MAP3K9: variants seen among roughly 807,000 people sequenced by gnomAD.
MAP3K9 encodes the protein mixed lineage kinase 1 (tyr and ser/thr specificity).
Under a neutral mutation model 95.8 loss-of-function variants are expected in MAP3K9, and 46 were observed. That is an observed-to-expected ratio of 0.48 (90% confidence interval 0.38 to 0.61). The LOEUF (loss-of-function observed/expected upper bound fraction) is 0.61. Ranked by LOEUF, MAP3K9 falls within the 20% of genes least tolerant of loss-of-function variation. The pLI, the probability that MAP3K9 is intolerant of heterozygous loss-of-function variation, is 0.00. For missense variants in MAP3K9, 1,296 were observed against 1,474.3 expected (o/e 0.88, Z 1.98); for synonymous variants, 533 against 593.8 (o/e 0.90, Z 1.49).
chr14:70,809,178 G>C lies in MAP3K9; in HGVS notation c.-7C>G. On this transcript the variant is annotated 5_prime_UTR_variant, in exon 1 of 12. Transcript: ENST00000554752. ...GCGCTCTGGAGGGCTCCATGGAGCG[G>C]CCGATCCATAGGGTGCGGGGCCGCC... 1 of 1,338,628 alleles carries C rather than the reference G, an allele frequency of 7.5e-7. No individual in the cohort carries two copies. Among genetic ancestry groups the C allele is most frequent in the Non-Finnish European group, 9.5e-7 (1 of 1,052,368 alleles). 82.9% of individuals were successfully genotyped at this position (1,338,628 alleles called of 1,614,324 possible).
chr14:70,777,812 T>C (rs2054619327), intron 2 of MAP3K9, among the ~76,000 whole-genome samples: 1 of 152,196 alleles, frequency 6.6e-6, no homozygotes. Context: ...GGCTAAAGCC[T>C]CTAAGACATA....
rs149576659 is a variant in MAP3K9 at position 70,751,185 on chromosome 14, G to A, written c.1002-1104C>T. On this transcript the variant is annotated intron_variant, in intron 3 of 11. Coordinates refer to ENST00000554752, the MANE Select transcript of MAP3K9 (RefSeq NM_001284230.2). ...GTCCACATAAAGAATTTCTTTTCTC[G>A]TGTCCTGTGAGTCAGTGAATGTGGA... Among the ~76,000 whole-genome samples the A allele has an allele frequency of 2.8e-3, 426 of 152,252 alleles. 1 individual carries two copies. The highest frequency in any genetic ancestry group is 9.7e-3 in the African/African-American group (404 of 41,542).
rs754111307 is a variant in MAP3K9, at chr14:70,732,953, G to A, written c.2416C>T (p.Arg806Trp). 77 of 1,613,996 alleles carry A rather than the reference G, an allele frequency of 4.8e-5. No homozygotes were observed. Among genetic ancestry groups the A allele is most frequent in the Admixed American group, 1.7e-4 (10 of 59,996 alleles). The change falls in exon 11 of 12, where the codon CGG (arginine) becomes TGG (tryptophan). Residue 806 changes from arginine to tryptophan, a missense_variant. Coordinates refer to ENST00000554752, the MANE Select transcript of MAP3K9 (RefSeq NM_001284230.2). Reference sequence around the variant, plus strand: ...TTTCGGGATGGGGGGCTGGTGCTCCGACGAGGACGGCTGGACCTCTGAAAA... The same window carrying A: ...TTTCGGGATGGGGGGCTGGTGCTCCAACGAGGACGGCTGGACCTCTGAAAA... ...GLFQRSSRPRRSTSPPSRKLF... is the reference protein window; with the variant it reads ...GLFQRSSRPRWSTSPPSRKLF...
At chr14:70,755,504 T>A (rs764167367) in intron 3 of MAP3K9, among the ~76,000 whole-genome samples, 1 of 152,224 alleles carries the variant, frequency 6.6e-6, no homozygotes, top group African/African-American at 2.4e-5. Context: ...GAAATGATGA[T>A]CCCTACTTTG....
At chr14:70,781,800 A>T (rs1377999103) in intron 2 of MAP3K9, among the ~76,000 whole-genome samples, 1 of 152,130 alleles carries the variant, frequency 6.6e-6, no homozygotes. Context: ...TTCAGAGCCC[A>T]CAACTGTACC....
At chr14:70,787,507 CAAAAA>C (rs66469021) in intron 2 of MAP3K9, among the ~76,000 whole-genome samples, 1 of 126,176 alleles carries the variant, frequency 7.9e-6, no homozygotes. Flanking sequence ...GACTCTGTCT[CAAAAA>C]AAAAAAAAAA....
chr14:70,804,848 C>A (rs187718714), intron 1 of MAP3K9, among the ~76,000 whole-genome samples: 23 of 152,206 alleles, frequency 1.5e-4, no homozygotes, highest in African/African-American at 5.1e-4. Context: ...AATATTATGA[C>A]CTGACTCCAA....
chr14:70,740,012 G>A, intron 7 of MAP3K9, 30 bp downstream of exon 7: 1 of 1,614,164 alleles, frequency 6.2e-7, no homozygotes. Context: ...TGTGTGTTCT[G>A]GCCCCAGCTA....
At chr14:70,737,510 G>A (rs933334498) in intron 8 of MAP3K9, among the ~76,000 whole-genome samples, 3 of 152,158 alleles carry the variant, frequency 2.0e-5, no homozygotes, top group South Asian at 2.1e-4. Flanking sequence ...TCAAGCCCAC[G>A]AGTGAGAACA....
chr14:70,800,564 T>C (rs1299678354), intron 2 of MAP3K9, 103 bp downstream of exon 2: 1 of 1,197,838 alleles, frequency 8.3e-7, no homozygotes, highest in Non-Finnish European at 1.2e-6. Context: ...AGCAAGGAGT[T>C]TCACTGCCCT....
chr14:70,802,356 C>G (rs2054939612), intron 1 of MAP3K9, among the ~76,000 whole-genome samples: 1 of 152,198 alleles, frequency 6.6e-6, no homozygotes, highest in East Asian at 1.9e-4. Context: ...GTATCCCACC[C>G]AGTATCCCAA....
chr14:70,736,930 G>A (rs1271793883), intron 8 of MAP3K9, among the ~76,000 whole-genome samples: 7 of 152,036 alleles, frequency 4.6e-5, no homozygotes, highest in African/African-American at 1.2e-4. Context: ...TTTTACCTTC[G>A]GCTCAGATCT....
chr14:70,738,519 A>T (rs1361753256), intron 7 of MAP3K9, 121 bp from the exon 8 acceptor site: 2 of 837,922 alleles, frequency 2.4e-6, no homozygotes, highest in Admixed American at 5.3e-5. Context: ...AGACCTTATC[A>T]AAAACTCTGT....
At chr14:70,742,704 T>C in intron 5 of MAP3K9, 113 bp from the exon 6 acceptor site, 1 of 1,236,568 alleles carries the variant, frequency 8.1e-7, no homozygotes, top group African/African-American at 1.5e-5. Flanking sequence ...AGAGCTCTCC[T>C]ATGATGCTCA....
In MAP3K9 at chr14:70,786,379, C is replaced by T. The variant is rs532547576; in HGVS notation, c.820+14288G>A. On this transcript the variant is annotated intron_variant, in intron 2 of 11. Transcript: ENST00000554752. The stretch of plus-strand genomic sequence containing the variant: ...CAGCGGGGATTCCTATCTCTAAGCA[C>T]AGGGAGCCAGGAGTCTACTGCTTAA... Among the ~76,000 whole-genome samples the T allele has an allele frequency of 1.4e-4, 21 of 152,290 alleles. 1 individual carries two copies. The South Asian group carries it at 4.4e-3, about 32-fold the overall frequency.
At chr14:70,803,337 TAAAAAA>T (rs10583563) in intron 1 of MAP3K9, among the ~76,000 whole-genome samples, 22,067 of 75,422 alleles carry the variant, frequency 0.29, 2,483 homozygotes, top group South Asian at 0.46. Context: ...ATTCAGATCT[TAAAAAA>T]AAAAAAAAAA....
intron 2 of MAP3K9, among the ~76,000 whole-genome samples, chr14:70,791,220 T>C (rs2054803552): frequency 1.3e-5 from 2 of 152,192 alleles, no homozygotes; most frequent in South Asian, 4.1e-4. Flanking sequence ...AAGCCTTTCT[T>C]GCCCTGAACT....
chr14:70,734,674 C>T (rs912359954), intron 9 of MAP3K9, among the ~76,000 whole-genome samples, 176 bp from the exon 10 acceptor site: 1 of 152,186 alleles, frequency 6.6e-6, no homozygotes, highest in African/African-American at 2.4e-5. Flanking sequence ...CAGAAATGCA[C>T]ATGCTCCAGG....
chr14:70,744,662 T>C (rs1239541790), intron 5 of MAP3K9, among the ~76,000 whole-genome samples: 1 of 152,184 alleles, frequency 6.6e-6, no homozygotes. Context: ...TTTCAGGCAC[T>C]TGCTCTAGAA....
Sources: gnomAD v4.1 joint callset for allele counts (sites outside exome capture counted in the v4.1 genomes callset) on GRCh38, gnomAD v4.1.1 for gene constraint, MANE v1.5 for transcripts, NCBI Gene and HGNC (gene_info 2026-07-23, HGNC 2026-07-21) for gene names.